Variants in ABCC4 observed in about 807,000 individuals in gnomAD.
The protein encoded by ABCC4 is ATP binding cassette subfamily C member 4 (PEL blood group).
In ABCC4, 102 loss-of-function variants were observed where a neutral mutation model predicts 168.5. The observed-to-expected ratio is 0.61, with a 90% CI of 0.52 to 0.71. The LOEUF is 0.71. Among genes scored for constraint, ABCC4 ranks in the 30% least tolerant of loss-of-function variants. The probability of loss-of-function intolerance (pLI) is 0.00; values close to 1 mark genes in which losing one functional copy is unlikely to be tolerated. For synonymous variants in ABCC4, 617 were observed against 590.7 expected, an observed-to-expected ratio of 1.04 and a Z score of -0.65; for missense variants, 1,402 against 1,605.8, an observed-to-expected ratio of 0.87 and a Z score of 2.17.
intron 13 of ABCC4, among the ~76,000 whole-genome samples, chr13:95,175,479 A>AT (rs1392413253): frequency 6.6e-6 from 1 of 151,904 alleles, no homozygotes; most frequent in African/African-American, 2.4e-5. Context: ...TCCACCACTG[A>AT]TTTTTGTATT....
At chr13:95,175,067 A>G (rs1415269430) in intron 13 of ABCC4, among the ~76,000 whole-genome samples, 20 of 152,202 alleles carry the variant, frequency 1.3e-4, no homozygotes, top group East Asian at 1.9e-4. Flanking sequence ...CACATTTTGC[A>G]TACGCACTCT....
intron 20 of ABCC4, among the ~76,000 whole-genome samples, chr13:95,088,132 G>C (rs1276380717): frequency 2.0e-5 from 3 of 152,158 alleles, no homozygotes; most frequent in African/African-American, 4.8e-5. Context: ...TAAGGCATTA[G>C]AGCAATGTGG....
intron 2 of ABCC4, 82 bp from the exon 3 acceptor site, chr13:95,247,177 G>A: frequency 6.8e-7 from 1 of 1,469,910 alleles, no homozygotes; most frequent in Non-Finnish European, 9.3e-7. Context: ...TGACAGGTAT[G>A]CATTTAAGAC....
rs543504748 is a variant in ABCC4, at chr13:95,113,556, C to T, written c.2535+2366G>A. On this transcript the variant is annotated intron_variant, in intron 20 of 30. Transcript: ENST00000645237. ...GGCTGTTTTCATCCTTACAGAGAGG[C>T]CTAGGCAACTTAAAAAAAAAAAAAA... Among the ~76,000 whole-genome samples, 226 of 118,018 alleles carry T rather than the reference C, an allele frequency of 1.9e-3. 3 individuals carry two copies. The highest frequency in any genetic ancestry group is 5.8e-3 in the African/African-American group (170 of 29,516). 77.4% of individuals were successfully genotyped at this position (118,018 alleles called of 152,430 possible). A position where few individuals can be genotyped will look rare whatever the true frequency, so the allele number is the denominator to read the frequency against.
intron 30 of ABCC4, among the ~76,000 whole-genome samples, chr13:95,023,417 A>T (rs2031210825): frequency 6.6e-6 from 1 of 152,178 alleles, no homozygotes; most frequent in Non-Finnish European, 1.5e-5. Context: ...TCTTTTTTAC[A>T]GTGCAGGTGA....
At chr13:95,192,563 C>T (rs998725926) in intron 9 of ABCC4, among the ~76,000 whole-genome samples, 1 of 152,216 alleles carries the variant, frequency 6.6e-6, no homozygotes. Context: ...TCTAGCTCAA[C>T]AGCATTCACC....
At chr13:95,256,930 T>C (rs1288968248) in intron 1 of ABCC4, among the ~76,000 whole-genome samples, 4 of 152,206 alleles carry the variant, frequency 2.6e-5, no homozygotes, top group African/African-American at 9.6e-5. Context: ...ATAAGACTCC[T>C]TAACAAAGCG....
intron 1 of ABCC4, among the ~76,000 whole-genome samples, chr13:95,280,221 C>A (rs990014985): frequency 6.6e-6 from 1 of 151,834 alleles, no homozygotes; most frequent in African/African-American, 2.4e-5. Context: ...TTCGAGACCA[C>A]CCTGACCAAC....
chr13:95,186,371 G>A (rs61965907), intron 11 of ABCC4, among the ~76,000 whole-genome samples: 2,194 of 152,168 alleles, frequency 0.014, 39 homozygotes, highest in Non-Finnish European at 0.022. Flanking sequence ...TTGAACTTGA[G>A]CAATGGGTAC....
intron 22 of ABCC4, 157 bp downstream of exon 22, chr13:95,075,272 CAGA>C (rs2033858163): frequency 6.5e-6 from 6 of 920,752 alleles, no homozygotes; most frequent in East Asian, 5.0e-5. Context: ...AGTCCAAGCC[CAGA>C]AGAAGGGGAT....
intron 1 of ABCC4, among the ~76,000 whole-genome samples, chr13:95,251,043 C>T (rs7329956): frequency 0.65 from 98,153 of 151,826 alleles, 31,807 homozygotes; most frequent in Middle Eastern, 0.72. Context: ...CCACTTTGGC[C>T]TCCCAAAATT....
At chr13:95,248,436 C>T (rs1033499562) in intron 1 of ABCC4, among the ~76,000 whole-genome samples, 51 of 151,544 alleles carry the variant, frequency 3.4e-4, no homozygotes, top group African/African-American at 1.0e-3. Flanking sequence ...TTATTAGTTA[C>T]GAAAGGACAA....
intron 3 of ABCC4, among the ~76,000 whole-genome samples, chr13:95,236,957 G>A (rs779918615): frequency 9.8e-5 from 15 of 152,286 alleles, no homozygotes; most frequent in Middle Eastern, 3.4e-3. Context: ...AACCAGGGCC[G>A]CAGCAGACAC....
At chr13:95,274,731 G>T (rs1434111224) in intron 1 of ABCC4, among the ~76,000 whole-genome samples, 11 of 152,106 alleles carry the variant, frequency 7.2e-5, no homozygotes. Context: ...GCCTTCCTGA[G>T]CACCTCCTCT....
intron 9 of ABCC4, among the ~76,000 whole-genome samples, chr13:95,190,837 G>C (rs1271219211): frequency 1.3e-5 from 2 of 152,220 alleles, no homozygotes; most frequent in Non-Finnish European, 2.9e-5. Context: ...CTGGTGGGTA[G>C]GCATTTAGCA....
At chr13:95,031,289 C>A (rs927588246) in intron 30 of ABCC4, among the ~76,000 whole-genome samples, 4 of 152,146 alleles carry the variant, frequency 2.6e-5, no homozygotes, top group African/African-American at 7.2e-5. Context: ...TTAGGCAGGA[C>A]TAAAATCCAG....
chr13:95,190,613 AATTCAGAGTATAGAACCTC>A (rs2038222976), intron 9 of ABCC4, among the ~76,000 whole-genome samples: 1 of 152,236 alleles, frequency 6.6e-6, no homozygotes, highest in Non-Finnish European at 1.5e-5. Context: ...AATGGTTTTA[AATTCAGAGTATAGAACCTC>A]AACCGTAAAA....
intron 26 of ABCC4, among the ~76,000 whole-genome samples, chr13:95,062,068 G>A (rs2033320575): frequency 6.6e-6 from 1 of 152,098 alleles, no homozygotes; most frequent in South Asian, 2.1e-4. Context: ...CACTCACTGG[G>A]TCTGTGTGAA....
intron 4 of ABCC4, among the ~76,000 whole-genome samples, chr13:95,211,675 A>C (rs1339907337): frequency 1.3e-5 from 2 of 152,130 alleles, no homozygotes; most frequent in African/African-American, 4.8e-5. Context: ...TATGGAAGGC[A>C]ATATGGAACA....
Sources: allele counts gnomAD v4.1 joint callset (sites outside exome capture counted in the v4.1 genomes callset), GRCh38; gene constraint gnomAD v4.1.1; transcripts MANE v1.5; gene names NCBI Gene and HGNC (gene_info 2026-07-23, HGNC 2026-07-21).